Variants in SGCE observed in about 807,000 individuals in gnomAD.
SGCE encodes the protein epsilon-sarcoglycan.
Under a neutral mutation model 57.8 loss-of-function variants are expected in SGCE, and 26 were observed. That is an observed-to-expected ratio of 0.45 (90% confidence interval 0.33 to 0.62). The LOEUF is 0.62. Among genes scored for constraint, SGCE ranks in the 20% least tolerant of loss-of-function variants. The pLI, the probability that SGCE is intolerant of heterozygous loss-of-function variation, is 0.02. For synonymous variants in SGCE, 183 were observed against 189.5 expected (o/e 0.97, Z 0.28); for missense variants, 468 against 548.6 (o/e 0.85, Z 1.47).
intron 1 of SGCE, among the ~76,000 whole-genome samples, chr7:94,655,549 G>A (rs933887502): frequency 7.2e-5 from 11 of 152,136 alleles, no homozygotes; most frequent in African/African-American, 2.4e-4. Flanking sequence ...TTGTGTAGCG[G>A]GGACGCAGCT....
intron 7 of SGCE, chr7:94,600,005 G>A (rs1476605943): frequency 3.2e-6 from 1 of 309,988 alleles, no homozygotes; most frequent in African/African-American, 2.2e-5. Flanking sequence ...CAAGCTACAT[G>A]TAAAAATGAA....
chr7:94,639,319 T>G (rs1352988498), intron 1 of SGCE: 1 of 1,415,670 alleles, frequency 7.1e-7, no homozygotes, highest in Non-Finnish European at 9.6e-7. Context: ...CAAAGGGATT[T>G]AGATTTACAA....
intron 4 of SGCE, 137 bp from the exon 5 acceptor site, chr7:94,619,093 G>C (rs1380138842): frequency 4.3e-6 from 3 of 692,470 alleles, no homozygotes; most frequent in Non-Finnish European, 7.8e-6. Context: ...GACTTTAAAG[G>C]CTTTCTGTTT....
At chr7:94,605,430 A>G (rs1799964196) in intron 5 of SGCE, among the ~76,000 whole-genome samples, 1 of 152,198 alleles carries the variant, frequency 6.6e-6, no homozygotes, top group Non-Finnish European at 1.5e-5. Context: ...AAATAATAGC[A>G]ACAATCTATT....
Position 94,598,989 on chromosome 7 carries a change from A to G in SGCE, c.1065-26T>C, listed in dbSNP as rs530901007. 8.9e-6 allele frequency: 14 copies of G among 1,574,564 alleles called. No homozygotes were observed. In the Admixed American group the frequency reaches 1.4e-4, roughly 15 times the overall value. On this transcript the variant is annotated intron_variant, in intron 8 of 10. Transcript: ENST00000648936. The stretch of plus-strand genomic sequence containing the variant: ...CTAGGTCAAAAAGAAATAAAACAAC[A>G]TATATTTAAAATCATATATTAGCCT...
intron 9 of SGCE, chr7:94,597,129 T>C (rs1798520373): frequency 6.6e-6 from 1 of 152,162 alleles, no homozygotes; most frequent in South Asian, 2.1e-4. Context: ...ATCCGTTGCA[T>C]TCAGTACAAC....
intron 6 of SGCE, 45 bp from the exon 7 acceptor site, chr7:94,600,902 A>C: frequency 1.4e-6 from 2 of 1,454,138 alleles, no homozygotes; most frequent in Non-Finnish European, 1.9e-6. Flanking sequence ...ATCGTTGCAA[A>C]CATTATGAGA....
At chr7:94,597,480 C>A (rs887972935) in intron 9 of SGCE, 1 of 152,042 alleles carries the variant, frequency 6.6e-6, no homozygotes, top group Middle Eastern at 3.4e-3. Context: ...AAAAATGTAC[C>A]CAGCAGAGTT....
chr7:94,641,721 G>C (rs1806399663), intron 1 of SGCE, among the ~76,000 whole-genome samples: 1 of 151,948 alleles, frequency 6.6e-6, no homozygotes, highest in Admixed American at 6.6e-5. Context: ...GTAAAAATCT[G>C]AACTTAAGCT....
chr7:94,656,085 C>G lies in SGCE; in HGVS notation c.14G>C (p.Arg5Pro). Residue 5 changes from arginine (R) to proline (P), a missense_variant, in exon 1 of 11, where the codon CGG becomes CCG. By Grantham distance (103) the Arg-to-Pro change is moderately radical. Coordinates refer to ENST00000648936, the MANE Select transcript of SGCE (RefSeq NM_003919.3). Reference sequence around the variant, plus strand: ...ACAGGGGTCTCCCAGCTCCCACCACCGGGGCAATTGCATTCTTGGCCTGGC... The same window carrying G: ...ACAGGGGTCTCCCAGCTCCCACCACGGGGGCAATTGCATTCTTGGCCTGGC... MQLP[R>P]WWELGDPCAW... 6.2e-7 allele frequency: 1 copy of G among 1,609,410 alleles called. No individual in the cohort carries two copies. Among genetic ancestry groups the G allele is most frequent in the Non-Finnish European group, 8.5e-7 (1 of 1,175,802 alleles).
intron 5 of SGCE, among the ~76,000 whole-genome samples, chr7:94,612,904 T>C (rs1463540696): frequency 6.6e-6 from 1 of 152,172 alleles, no homozygotes; most frequent in African/African-American, 2.4e-5. Context: ...CAATCCATCA[T>C]CAGTCTCTGA....
intron 5 of SGCE, among the ~76,000 whole-genome samples, chr7:94,610,729 G>A (rs1332858048): frequency 6.6e-6 from 1 of 152,070 alleles, no homozygotes; most frequent in East Asian, 1.9e-4. Flanking sequence ...CCATGGAATA[G>A]GAGAAAATAA....
chr7:94,608,655 C>G (rs1352745015), intron 5 of SGCE, among the ~76,000 whole-genome samples: 2 of 152,150 alleles, frequency 1.3e-5, no homozygotes, highest in African/African-American at 4.8e-5. Context: ...AGGACTGACA[C>G]TACCCAACAT....
chr7:94,603,362 T>C lies in SGCE; in HGVS notation c.753A>G (p.Glu251=). 2 of 1,613,102 alleles carry C rather than the reference T, an allele frequency of 1.2e-6. No individual in the cohort carries two copies. Among genetic ancestry groups the C allele is most frequent in the Admixed American group, 3.3e-5 (2 of 59,938 alleles). ...NPQNQLRCSQ[E]MEPVITCDKK... ...TATCACATGTTATTACAGGCTCCAT[T>C]TCTTGACTACATCTCAATTGATTCT... The change falls in exon 6 of 11, where the codon GAA becomes GAG. Residue 251 remains glutamate, a synonymous_variant. Coordinates refer to ENST00000648936, the MANE Select transcript of SGCE (RefSeq NM_003919.3).
chr7:94,620,555 G>C (rs921148239), intron 4 of SGCE: 6 of 152,096 alleles, frequency 3.9e-5, no homozygotes, highest in African/African-American at 1.4e-4. Flanking sequence ...TTATGAGAAA[G>C]TTTCTTGGCA....
intron 9 of SGCE, among the ~76,000 whole-genome samples, chr7:94,592,405 C>G (rs181624869): frequency 6.6e-6 from 1 of 152,170 alleles, no homozygotes; most frequent in African/African-American, 2.4e-5. Flanking sequence ...AATAGAGGCC[C>G]TATAATCCTT....
At chr7:94,631,325 A>T (rs1328946897) in intron 1 of SGCE, among the ~76,000 whole-genome samples, 17 of 151,674 alleles carry the variant, frequency 1.1e-4, no homozygotes, top group Non-Finnish European at 1.5e-5. Flanking sequence ...GTTTGATACC[A>T]CAATGTACCC....
intron 3 of SGCE, 65 bp downstream of exon 3, chr7:94,628,137 T>TACACACACACACAC (rs138881114): frequency 2.0e-6 from 2 of 991,512 alleles, no homozygotes; most frequent in Non-Finnish European, 3.1e-6. Flanking sequence ...CAAATTACAA[T>TACACACACACACAC]ACACACACAC....
chr7:94,617,528 G>A (rs183832280), intron 5 of SGCE: 6 of 152,068 alleles, frequency 3.9e-5, no homozygotes, highest in Non-Finnish European at 8.8e-5. Flanking sequence ...CTCATTCCAC[G>A]GTTCTGCTTT....
Sources: allele counts gnomAD v4.1 joint callset (sites outside exome capture counted in the v4.1 genomes callset), GRCh38; gene constraint gnomAD v4.1.1; transcripts MANE v1.5; gene names NCBI Gene and HGNC (gene_info 2026-07-23, HGNC 2026-07-21).